Variants in HSP90B1 observed in about 807,000 individuals in gnomAD.
HSP90B1 encodes the protein endoplasmin.
Under a neutral mutation model 100.4 loss-of-function variants are expected in HSP90B1, and 27 were observed. That is an observed-to-expected ratio of 0.27 (90% CI 0.20 to 0.37). The LOEUF (loss-of-function observed/expected upper bound fraction) is 0.37, where lower values mean the gene tolerates loss of function less well. Among genes scored for constraint, HSP90B1 ranks in the 10% least tolerant of loss-of-function variants. The pLI is 1.00. For missense variants in HSP90B1, 678 were observed against 960.5 expected (o/e 0.71, Z 3.89); for synonymous variants, 304 against 330.8 (o/e 0.92, Z 0.88).
chr12:103,934,419 G>A, intron 5 of HSP90B1, 132 bp downstream of exon 5: 1 of 747,572 alleles, frequency 1.3e-6, no homozygotes, highest in Non-Finnish European at 2.2e-6. Flanking sequence ...AAACAGAACT[G>A]TTGTCACTTG....
chr12:103,935,438 G>A (rs903017397), intron 5 of HSP90B1, among the ~76,000 whole-genome samples: 1 of 151,790 alleles, frequency 6.6e-6, no homozygotes, highest in Non-Finnish European at 1.5e-5. Flanking sequence ...AACAGAATGT[G>A]CCCACAGCTT....
chr12:103,933,272 CT>C (rs1869818062), intron 4 of HSP90B1, among the ~76,000 whole-genome samples: 1 of 152,254 alleles, frequency 6.6e-6, no homozygotes, highest in African/African-American at 2.4e-5. Flanking sequence ...TTGCCAGCCC[CT>C]GGCTTAAATC....
intron 17 of HSP90B1, 98 bp downstream of exon 17, chr12:103,947,528 G>T: frequency 6.3e-7 from 1 of 1,596,704 alleles, no homozygotes; most frequent in Non-Finnish European, 8.6e-7. Flanking sequence ...ACTTACAGAA[G>T]TCAGACTGAG....
intron 14 of HSP90B1, among the ~76,000 whole-genome samples, chr12:103,944,674 A>G (rs990676337): frequency 6.6e-6 from 1 of 151,396 alleles, no homozygotes; most frequent in African/African-American, 2.4e-5. Flanking sequence ...CTCCTGTCTT[A>G]GCCTCCTGAG....
Position 103,941,541 on chromosome 12 carries a change from C to T in HSP90B1, c.1224C>T (p.Tyr408=), listed in dbSNP as rs912814039. The change falls in exon 9 of 18, where the codon TAC becomes TAT. Residue 408 remains tyrosine, a synonymous_variant. Transcript: ENST00000299767. The part of the protein sequence containing the change: ...FDEYGSKKSD[Y]IKLYVRRVFI... ...AATATGGATCTAAAAAGAGCGATTA[C>T]ATTAAGGTGAGTTTTTAAGTAGTAC... The T allele has an allele frequency of 6.2e-7, 1 of 1,614,100 alleles. No individual in the cohort carries two copies. Among genetic ancestry groups the T allele is most frequent in the South Asian group, 1.1e-5 (1 of 91,078 alleles).
chr12:103,930,596 C>A lies in HSP90B1; in HGVS notation c.49+32C>A. 5 of 1,592,308 alleles carry A rather than the reference C, an allele frequency of 3.1e-6. No homozygotes were observed. The highest frequency in any genetic ancestry group is 4.3e-6 in the Non-Finnish European group (5 of 1,170,336). On this transcript the variant is annotated intron_variant, in intron 1 of 17. Coordinates refer to ENST00000299767, the MANE Select transcript of HSP90B1 (RefSeq NM_003299.3). This position sits in a 1 kb window ranked among gnomAD's most constrained non-coding sequence, Gnocchi z 4.4. ...GATTCTGGAGGAGCAGACGTCCCCCCTCCACACACGCGGCCGCTTCTCGAA... is the reference window on the plus strand; with the variant it reads ...GATTCTGGAGGAGCAGACGTCCCCCATCCACACACGCGGCCGCTTCTCGAA...
chr12:103,938,309 G>C, intron 6 of HSP90B1, 31 bp from the exon 7 acceptor site: 1 of 1,507,608 alleles, frequency 6.6e-7, no homozygotes, highest in Admixed American at 2.3e-5. Context: ...TTAAACAAAT[G>C]AGTTTAACCA....
chr12:103,946,159 A>T (rs1326235803), intron 14 of HSP90B1, among the ~76,000 whole-genome samples: 1 of 151,880 alleles, frequency 6.6e-6, no homozygotes, highest in East Asian at 1.9e-4. Context: ...TGGGTTTTTT[A>T]TTTTTTTCTT....
rs762350787 is a variant in HSP90B1, at chr12:103,938,459, A to G, written c.975A>G (p.Lys325=). The change falls in exon 7 of 18, where the codon AAA becomes AAG. Residue 325 remains lysine (K), a splice_region_variant and synonymous_variant. Transcript: ENST00000299767. ...EEEEKKPKTK[K]VEKTVWDWEL... ...AAGAAAAGAAACCAAAGACTAAAAA[A>G]GTAAGTCTGGTTTATCTCCCTGCAT... 2.5e-6 allele frequency: 4 copies of G among 1,609,602 alleles called. No homozygotes were observed. Among genetic ancestry groups the G allele is most frequent in the Non-Finnish European group, 3.4e-6 (4 of 1,178,154 alleles).
intron 14 of HSP90B1, among the ~76,000 whole-genome samples, chr12:103,944,925 T>C (rs1323065488): frequency 6.6e-6 from 1 of 152,240 alleles, no homozygotes; most frequent in Non-Finnish European, 1.5e-5. Flanking sequence ...AAATTCCATA[T>C]ATGTCTTTTA....
chr12:103,937,608 T>G, intron 5 of HSP90B1, 87 bp from the exon 6 acceptor site: 1 of 710,262 alleles, frequency 1.4e-6, no homozygotes, highest in East Asian at 2.7e-5. Flanking sequence ...TATACTGAAC[T>G]GCTGGCTATT....
At chr12:103,942,865 G>T in intron 12 of HSP90B1, 69 bp downstream of exon 12, 2 of 1,563,588 alleles carry the variant, frequency 1.3e-6, no homozygotes, top group East Asian at 2.2e-5. Flanking sequence ...CAACTCTTGA[G>T]GGGGAGAAAA....
chr12:103,945,202 G>A (rs774696241), intron 14 of HSP90B1, among the ~76,000 whole-genome samples: 2 of 152,188 alleles, frequency 1.3e-5, no homozygotes, highest in Non-Finnish European at 2.9e-5. Flanking sequence ...CACTCAGGAG[G>A]CTGATGCAGG....
rs767860251 is a variant in HSP90B1 at position 103,942,517 on chromosome 12, T to C, written c.1375-10T>C. On this transcript the variant is annotated splice_polypyrimidine_tract_variant and intron_variant, in intron 11 of 17. Transcript: ENST00000299767. ...ACTTCTCTAATCAGTTATTCTTTCA[T>C]TGTGTTTAGGTGATTAGGAAGAAGC... 8.7e-6 allele frequency: 14 copies of C among 1,610,618 alleles called. No individual in the cohort carries two copies. In the South Asian group the frequency reaches 1.2e-4, roughly 14 times the overall value.
intron 14 of HSP90B1, among the ~76,000 whole-genome samples, chr12:103,944,934 TA>T (rs1459494139): frequency 6.6e-6 from 1 of 152,234 alleles, no homozygotes; most frequent in Non-Finnish European, 1.5e-5. Context: ...ATATGTCTTT[TA>T]ACTATAAATT....
In HSP90B1 at chr12:103,930,603, C is replaced by T. The variant is rs779370632; in HGVS notation, c.49+39C>T. 1.1e-5 allele frequency: 18 copies of T among 1,579,704 alleles called. No homozygotes were observed. The highest frequency in any genetic ancestry group is 2.1e-4 in the Middle Eastern group (1 of 4,846). On this transcript the variant is annotated intron_variant, in intron 1 of 17. Transcript: ENST00000299767. This position sits in a 1 kb window ranked among gnomAD's most constrained non-coding sequence, Gnocchi z 4.4. Reference sequence around the variant, plus strand: ...GAGGAGCAGACGTCCCCCCTCCACACACGCGGCCGCTTCTCGAAGGTCCTG... The same window carrying T: ...GAGGAGCAGACGTCCCCCCTCCACATACGCGGCCGCTTCTCGAAGGTCCTG...
At chr12:103,935,021 A>C (rs1869871162) in intron 5 of HSP90B1, among the ~76,000 whole-genome samples, 1 of 152,132 alleles carries the variant, frequency 6.6e-6, no homozygotes, top group Non-Finnish European at 1.5e-5. Context: ...GAACTTTTTA[A>C]GATTCTCAAG....
intron 6 of HSP90B1, chr12:103,938,103 G>A (rs568221056): frequency 2.9e-5 from 12 of 407,880 alleles, no homozygotes; most frequent in African/African-American, 2.1e-4. Flanking sequence ...CCCGGGAGAC[G>A]GAGGTTGCAG....
intron 16 of HSP90B1, 60 bp downstream of exon 16, chr12:103,947,001 G>C (rs1462117954): frequency 3.9e-6 from 6 of 1,534,132 alleles, no homozygotes; most frequent in Non-Finnish European, 5.3e-6. Context: ...TGTTCTTTCA[G>C]AATAGGCCTC....
Sources: allele counts gnomAD v4.1 joint callset (sites outside exome capture counted in the v4.1 genomes callset), GRCh38; gene constraint gnomAD v4.1.1; non-coding constraint Gnocchi (gnomAD v3.1); transcripts MANE v1.5; gene names NCBI Gene and HGNC (gene_info 2026-07-23, HGNC 2026-07-21).